Variants in ARID1B observed in about 807,000 individuals in gnomAD.
ARID1B encodes AT-rich interaction domain 1B.
Under a neutral mutation model 212.3 loss-of-function variants are expected in ARID1B, and 30 were observed. The observed-to-expected ratio is 0.14, with a 90% confidence interval of 0.11 to 0.19. ARID1B has a LOEUF of 0.19. ARID1B is among the 10% of genes least tolerant of loss of function. ARID1B has a pLI of 1.00. For synonymous variants in ARID1B, 1,402 were observed against 1,301.7 expected (o/e 1.08, Z -1.66); for missense variants, 2,891 against 3,204.0 (o/e 0.90, Z 2.36).
rs918651133 is a variant in ARID1B, at chr6:156,955,304, C to T, written c.2247+19728C>T. Among the ~76,000 whole-genome samples, 7 of 152,242 alleles carry T rather than the reference C, an allele frequency of 4.6e-5. No homozygotes were observed. Among genetic ancestry groups the T allele is most frequent in the African/African-American group, 1.7e-4 (7 of 41,462 alleles). On this transcript the variant is annotated intron_variant, in intron 4 of 19. Transcript: ENST00000636930. This position sits in a 1 kb window ranked among gnomAD's most constrained non-coding sequence, Gnocchi z 4.2. ...GCTAAATCCAGAGCTTTCTGACATT[C>T]TGGTTATTGCCATTCAACCAGGTGT... is the stretch of plus-strand genomic sequence containing the variant.
intron 3 of ARID1B, among the ~76,000 whole-genome samples, chr6:156,914,512 T>C (rs1790189129): frequency 6.6e-6 from 1 of 152,244 alleles, no homozygotes; most frequent in Admixed American, 6.5e-5. Flanking sequence ...TTTATCTTTC[T>C]GGCCTCCAAA....
At chr6:156,988,602 C>T (rs529903932) in intron 4 of ARID1B, among the ~76,000 whole-genome samples, 1 of 152,342 alleles carries the variant, frequency 6.6e-6, no homozygotes, top group East Asian at 1.9e-4. Flanking sequence ...AGCTTTCTTA[C>T]CTGCCAGCTC....
At chr6:156,968,591 C>A (rs1041985673) in intron 4 of ARID1B, among the ~76,000 whole-genome samples, 1 of 152,216 alleles carries the variant, frequency 6.6e-6, no homozygotes, top group African/African-American at 2.4e-5. Flanking sequence ...TCTGTACATG[C>A]TTTTAGAAAT....
At chr6:157,110,651 T>C (rs1054812789) in intron 6 of ARID1B, 90 bp downstream of exon 6, 5 of 1,178,470 alleles carry the variant, frequency 4.2e-6, no homozygotes, top group Non-Finnish European at 6.3e-6. Context: ...CTCCTTATCA[T>C]TAATTTTTTT....
At position 157,207,670 on chromosome 6, in the gene ARID1B, C is replaced by T. The variant is rs777350143; in HGVS notation, c.6898C>T (p.His2300Tyr). 3 of 1,613,496 alleles carry T rather than the reference C, an allele frequency of 1.9e-6. No individual in the cohort carries two copies. In the African/African-American group the frequency reaches 4.0e-5, roughly 22 times the overall value. ...VTMAQYQQSQHNLMHMQPPPL... is the reference protein window; with the variant it reads ...VTMAQYQQSQYNLMHMQPPPL... ...GATGGCCCAGTACCAGCAGAGCCAGCACAACCTCATGCACATGCAGCCCCC... is the reference window on the plus strand; with the variant it reads ...GATGGCCCAGTACCAGCAGAGCCAGTACAACCTCATGCACATGCAGCCCCC... Residue 2300 changes from histidine (H) to tyrosine (Y), a missense_variant, in exon 20 of 20, where the codon CAC becomes TAC. Physicochemically the swap from His to Tyr is moderately conservative, Grantham distance 83. Around this residue, in one of 7 missense-constraint regions of ARID1B, gnomAD observed 187 missense variants for 306.5 expected, o/e 0.61. Coordinates refer to ENST00000636930, the MANE Select transcript of ARID1B (RefSeq NM_001374828.1). The surrounding 1 kb of genome is among the most constrained non-coding windows in gnomAD (Gnocchi z 8.5).
intron 4 of ARID1B, among the ~76,000 whole-genome samples, chr6:156,981,009 A>C (rs1777569641): frequency 6.6e-6 from 1 of 152,230 alleles, no homozygotes; most frequent in Non-Finnish European, 1.5e-5. Context: ...CTGTGTAATC[A>C]TGGCAGGTAA....
chr6:157,175,762 C>T (rs1051759914), intron 11 of ARID1B: 1 of 151,354 alleles, frequency 6.6e-6, no homozygotes, highest in Non-Finnish European at 1.5e-5. Flanking sequence ...TAGAAGTGGG[C>T]CTTTAGTTTC....
chr6:156,804,568 G>T (rs1583070114), intron 1 of ARID1B, among the ~76,000 whole-genome samples: 1 of 152,020 alleles, frequency 6.6e-6, no homozygotes, highest in Admixed American at 6.5e-5. Context: ...TCTTCACAGG[G>T]TGGCAGGGGA....
chr6:156,987,337 T>G (rs555720524), intron 4 of ARID1B, among the ~76,000 whole-genome samples: 2 of 151,970 alleles, frequency 1.3e-5, no homozygotes, highest in South Asian at 4.2e-4. Context: ...AGTGCTAGTT[T>G]TTTTTTTTTT....
At chr6:157,103,937 G>A (rs1344518760) in intron 5 of ARID1B, among the ~76,000 whole-genome samples, 2 of 149,088 alleles carry the variant, frequency 1.3e-5, no homozygotes, top group Non-Finnish European at 3.0e-5. Flanking sequence ...CCAGGTTCAA[G>A]TGATTCTCCC....
chr6:156,803,260 T>G (rs1780915715), intron 1 of ARID1B, among the ~76,000 whole-genome samples: 1 of 152,190 alleles, frequency 6.6e-6, no homozygotes, highest in Non-Finnish European at 1.5e-5. Flanking sequence ...GCCAACATTT[T>G]ATTTATGAAA....
intron 2 of ARID1B, among the ~76,000 whole-genome samples, chr6:156,837,271 A>G (rs1236587296): frequency 2.0e-5 from 3 of 152,252 alleles, no homozygotes; most frequent in Non-Finnish European, 4.4e-5. Flanking sequence ...CTTAAGGTTG[A>G]CATTCTTGGA....
intron 3 of ARID1B, among the ~76,000 whole-genome samples, chr6:156,922,965 G>T (rs1790930266): frequency 6.6e-6 from 1 of 152,200 alleles, no homozygotes; most frequent in South Asian, 2.1e-4. Flanking sequence ...TCTGCTTCTT[G>T]GTTGGGAGAA....
At chr6:157,174,170 C>CA (rs1562323268) in intron 10 of ARID1B, 53 bp downstream of exon 10, 2 of 1,520,344 alleles carry the variant, frequency 1.3e-6, no homozygotes, top group Non-Finnish European at 1.8e-6. Flanking sequence ...AAAAAGCTGC[C>CA]ATGTCGTTCT....
intron 7 of ARID1B, among the ~76,000 whole-genome samples, chr6:157,137,967 T>C (rs909821286): frequency 1.3e-5 from 2 of 152,222 alleles, no homozygotes; most frequent in Admixed American, 1.3e-4. Context: ...TCATTCATTA[T>C]ATGTGTCTCA....
At chr6:157,193,290 T>G (rs890444817) in intron 15 of ARID1B, among the ~76,000 whole-genome samples, 1 of 152,198 alleles carries the variant, frequency 6.6e-6, no homozygotes, top group Non-Finnish European at 1.5e-5. Flanking sequence ...TGAAGTACAG[T>G]TTTTTCACAT....
intron 4 of ARID1B, among the ~76,000 whole-genome samples, chr6:157,002,335 ACT>A (rs1257431233): frequency 2.6e-5 from 4 of 152,142 alleles, no homozygotes; most frequent in Admixed American, 1.3e-4. Flanking sequence ...TGTTATCTTT[ACT>A]CTCTGCTTAC....
At chr6:156,983,643 G>T (rs7746676) in intron 4 of ARID1B, among the ~76,000 whole-genome samples, 5,033 of 152,212 alleles carry the variant, frequency 0.033, 275 homozygotes, top group African/African-American at 0.11. Flanking sequence ...ACGGGGCTGG[G>T]CTGAGGGGCT....
intron 5 of ARID1B, among the ~76,000 whole-genome samples, chr6:157,102,559 C>G (rs1338193536): frequency 6.8e-6 from 1 of 147,062 alleles, no homozygotes; most frequent in Non-Finnish European, 1.5e-5. Flanking sequence ...TTATTAAATA[C>G]TCATCTGTAT....
Sources: gnomAD v4.1 joint callset for allele counts (sites outside exome capture counted in the v4.1 genomes callset) on GRCh38, gnomAD v4.1.1 for gene constraint, gnomAD v4.1.1 regional missense constraint, Gnocchi (gnomAD v3.1) non-coding constraint, MANE v1.5 for transcripts, NCBI Gene and HGNC (gene_info 2026-07-23, HGNC 2026-07-21) for gene names.